Variants in SLC13A1 observed in about 807,000 individuals in gnomAD.
SLC13A1 encodes solute carrier family 13 member 1.
In SLC13A1, 65 loss-of-function variants were observed where a neutral mutation model predicts 70.0. The observed-to-expected ratio is 0.93, with a 90% CI of 0.76 to 1.14. The LOEUF (loss-of-function observed/expected upper bound fraction) is 1.14, where lower values mean the gene tolerates loss of function less well. SLC13A1 is among the 50% of genes most tolerant of loss of function. The pLI is 0.00. For missense variants in SLC13A1, 726 were observed against 717.8 expected (o/e 1.01, Z -0.13); for synonymous variants, 275 against 250.5 (o/e 1.10, Z -0.92).
At chr7:123,147,537 C>CCTCTCTCTCT (rs112153839) in intron 6 of SLC13A1, among the ~76,000 whole-genome samples, 1 of 147,764 alleles carries the variant, frequency 6.8e-6, no homozygotes, top group African/African-American at 2.5e-5. Flanking sequence ...GAGCTTGATT[C>CCTCTCTCTCT]CTCTCTCTCT....
chr7:123,155,688 T>C (rs1470761641), intron 6 of SLC13A1, among the ~76,000 whole-genome samples: 1 of 152,112 alleles, frequency 6.6e-6, no homozygotes, highest in Non-Finnish European at 1.5e-5. Flanking sequence ...AGCTTCACTG[T>C]AATGTCATCT....
intron 14 of SLC13A1, among the ~76,000 whole-genome samples, chr7:123,116,567 A>G (rs1793187949): frequency 1.3e-5 from 2 of 152,212 alleles, no homozygotes. Flanking sequence ...TGTCCATGCA[A>G]GCCAGCCACT....
intron 2 of SLC13A1, among the ~76,000 whole-genome samples, chr7:123,172,385 C>T (rs2116567445): frequency 6.6e-6 from 1 of 152,300 alleles, no homozygotes; most frequent in Middle Eastern, 3.4e-3. Context: ...TTTTGGGAGG[C>T]CAAAGCAGGT....
chr7:123,150,372 C>G (rs934212129), intron 6 of SLC13A1, among the ~76,000 whole-genome samples: 2 of 152,132 alleles, frequency 1.3e-5, no homozygotes, highest in African/African-American at 4.8e-5. Flanking sequence ...TCTCCTCCAA[C>G]TTCTTGTTTC....
intron 3 of SLC13A1, among the ~76,000 whole-genome samples, chr7:123,169,634 T>C (rs1795197536): frequency 6.8e-6 from 1 of 146,210 alleles, no homozygotes; most frequent in South Asian, 2.2e-4. Context: ...GTTGGTTATA[T>C]GACATAACAG....
In SLC13A1 at chr7:123,123,184, A is replaced by G; in HGVS notation, c.1292T>C (p.Met431Thr). 6.2e-7 allele frequency: 1 copy of G among 1,613,672 alleles called. No homozygotes were observed. Among genetic ancestry groups the G allele is most frequent in the Non-Finnish European group, 8.5e-7 (1 of 1,179,674 alleles). The change falls in exon 12 of 15, where the codon ATG becomes ACG. Residue 431 changes from methionine (M) to threonine (T), a missense_variant. Physicochemically the swap from Met to Thr is moderately conservative, Grantham distance 81. Coordinates refer to ENST00000194130, the MANE Select transcript of SLC13A1 (RefSeq NM_022444.4). ...AACAAGAATGGCTATATCCCAGGGC[A>G]TGAATGACTGGAATTCTTTCCAAGT... ...LITWKEFQSF[M>T]PWDIAILVGG... is the part of the protein sequence containing the mutation.
At position 123,145,390 on chromosome 7, in the gene SLC13A1, A is replaced by G. The variant is rs959650621; in HGVS notation, c.812+1769T>C. 8.5e-5 allele frequency among the ~76,000 whole-genome samples: 13 copies of G among 152,296 alleles called. No homozygotes were observed. The East Asian group carries it at 2.3e-3, about 27-fold the overall frequency. On this transcript the variant is annotated intron_variant, in intron 7 of 14. Transcript: ENST00000194130. ...CCATATTGCAATCTTACAGAGTAAT[A>G]TGAATTACTTGACTGTATCAACTAA...
At position 123,123,254 on chromosome 7, in the gene SLC13A1, A is replaced by G. The variant is rs527954615; in HGVS notation, c.1241-19T>C. 368 of 1,424,318 alleles carry G rather than the reference A, an allele frequency of 2.6e-4. 4 individuals carry two copies. The South Asian group carries it at 4.1e-3, about 16-fold the overall frequency. 88.2% of individuals were successfully genotyped at this position (1,424,318 alleles called of 1,614,324 possible). ...AAAGCAACTGCAAAACAAAAATCCTACAGTTACACATTGCTTAAAATATTA... is the reference window on the plus strand; with the variant it reads ...AAAGCAACTGCAAAACAAAAATCCTGCAGTTACACATTGCTTAAAATATTA... On this transcript the variant is annotated intron_variant, in intron 11 of 14. Coordinates refer to ENST00000194130, the MANE Select transcript of SLC13A1 (RefSeq NM_022444.4).
intron 6 of SLC13A1, among the ~76,000 whole-genome samples, chr7:123,165,823 A>G (rs1795052267): frequency 6.6e-6 from 1 of 152,144 alleles, no homozygotes; most frequent in African/African-American, 2.4e-5. Context: ...GTACTCTCTG[A>G]TTAGAAAGTG....
At chr7:123,160,315 A>T (rs762112410) in intron 6 of SLC13A1, among the ~76,000 whole-genome samples, 1 of 151,968 alleles carries the variant, frequency 6.6e-6, no homozygotes, top group African/African-American at 2.4e-5. Flanking sequence ...ATCAGCAGAC[A>T]AATAAACTCA....
chr7:123,165,998 C>T (rs13232288), intron 6 of SLC13A1, among the ~76,000 whole-genome samples: 1 of 152,046 alleles, frequency 6.6e-6, no homozygotes, highest in Non-Finnish European at 1.5e-5. Context: ...TCTGCTTGCA[C>T]ATGCTCTCGT....
intron 12 of SLC13A1, among the ~76,000 whole-genome samples, chr7:123,120,941 T>C (rs1158391880): frequency 6.6e-6 from 1 of 152,066 alleles, no homozygotes; most frequent in African/African-American, 2.4e-5. Context: ...ATAAAGTGCT[T>C]TGGTATTGGG....
At chr7:123,163,044 G>T (rs558262448) in intron 6 of SLC13A1, among the ~76,000 whole-genome samples, 18 of 152,138 alleles carry the variant, frequency 1.2e-4, no homozygotes, top group African/African-American at 4.3e-4. Context: ...ACTCTGGGCT[G>T]TCTCTTTGAG....
intron 14 of SLC13A1, 32 bp downstream of exon 14, chr7:123,117,439 G>A: frequency 6.2e-7 from 1 of 1,601,888 alleles, no homozygotes; most frequent in African/African-American, 1.3e-5. Flanking sequence ...GATGTGTATT[G>A]GATTTGATAG....
intron 6 of SLC13A1, among the ~76,000 whole-genome samples, chr7:123,167,621 TC>T (rs1585366020): frequency 6.6e-6 from 1 of 152,268 alleles, no homozygotes; most frequent in African/African-American, 2.4e-5. Context: ...CCCAGTGCAA[TC>T]TAGTATAGTA....
intron 2 of SLC13A1, among the ~76,000 whole-genome samples, chr7:123,179,660 C>T (rs371052174): frequency 3.3e-5 from 5 of 152,260 alleles, no homozygotes; most frequent in African/African-American, 1.2e-4. Flanking sequence ...CCTCCTGCTT[C>T]CCTCTAATGT....
At chr7:123,186,673 A>C in intron 1 of SLC13A1, 1 of 452,308 alleles carries the variant, frequency 2.2e-6, no homozygotes, top group South Asian at 1.6e-5. Context: ...GTATGAGTGA[A>C]TCCTTCCTCC....
chr7:123,176,402 T>G (rs759228456), intron 2 of SLC13A1, among the ~76,000 whole-genome samples: 2 of 152,094 alleles, frequency 1.3e-5, no homozygotes, highest in Non-Finnish European at 2.9e-5. Context: ...TCAAATAACA[T>G]CTCTAATAAA....
At chr7:123,190,972 A>G (rs1795974908) in intron 1 of SLC13A1, among the ~76,000 whole-genome samples, 1 of 150,464 alleles carries the variant, frequency 6.6e-6, no homozygotes, top group East Asian at 2.0e-4. Flanking sequence ...TTTCCCTATT[A>G]TTTTCATTTC....
Sources: gnomAD v4.1 joint callset for allele counts (sites outside exome capture counted in the v4.1 genomes callset) on GRCh38, gnomAD v4.1.1 for gene constraint, MANE v1.5 for transcripts, NCBI Gene and HGNC (gene_info 2026-07-23, HGNC 2026-07-21) for gene names.